TAFA1: variants seen among roughly 807,000 people sequenced by gnomAD.
The protein encoded by TAFA1 is chemokine-like protein TAFA-1.
TAFA1 carries 4 observed loss-of-function variants against 18.5 expected under a neutral mutation model. That is an observed-to-expected ratio of 0.22 (90% CI 0.11 to 0.49). TAFA1 has a LOEUF of 0.49. TAFA1 is among the 20% of genes least tolerant of loss of function. The probability of loss-of-function intolerance (pLI) is 0.98; values close to 1 mark genes in which losing one functional copy is unlikely to be tolerated. For synonymous variants in TAFA1, 56 were observed against 55.2 expected (o/e 1.01, Z -0.06); for missense variants, 147 against 169.0 (o/e 0.87, Z 0.72).
chr3:68,348,943 T>C (rs573361581), intron 2 of TAFA1, among the ~76,000 whole-genome samples: 1 of 152,012 alleles, frequency 6.6e-6, no homozygotes, highest in Admixed American at 6.6e-5. Flanking sequence ...TTTTAAAACA[T>C]GGTTGATACA....
At chr3:68,206,288 G>T (rs1445666436) in intron 2 of TAFA1, among the ~76,000 whole-genome samples, 2 of 151,790 alleles carry the variant, frequency 1.3e-5, no homozygotes, top group Admixed American at 1.3e-4. Context: ...AGAAAAAAAA[G>T]AATATGTAGA....
At chr3:68,350,577 A>T (rs1371781664) in intron 2 of TAFA1, among the ~76,000 whole-genome samples, 1 of 152,134 alleles carries the variant, frequency 6.6e-6, no homozygotes, top group South Asian at 2.1e-4. Context: ...ACACTATAAA[A>T]TTGCAGAATT....
At chr3:68,327,639 C>A (rs946495711) in intron 2 of TAFA1, among the ~76,000 whole-genome samples, 1 of 152,160 alleles carries the variant, frequency 6.6e-6, no homozygotes, top group Non-Finnish European at 1.5e-5. Context: ...TCATATAAAT[C>A]CTTGGCTCAG....
chr3:68,164,550 C>G (rs1453325843), intron 2 of TAFA1, among the ~76,000 whole-genome samples: 1 of 151,894 alleles, frequency 6.6e-6, no homozygotes, highest in African/African-American at 2.4e-5. Context: ...ATTGCATTCT[C>G]CCTCCCATTT....
intron 3 of TAFA1, among the ~76,000 whole-genome samples, chr3:68,438,805 C>T (rs929774295): frequency 6.6e-6 from 1 of 152,108 alleles, no homozygotes; most frequent in Admixed American, 6.6e-5. Context: ...AAGTTTATGG[C>T]TTGCATCTTC....
At chr3:68,503,169 T>A (rs9819753) in intron 3 of TAFA1, among the ~76,000 whole-genome samples, 31,310 of 152,078 alleles carry the variant, frequency 0.21, 3,471 homozygotes, top group Admixed American at 0.25. Context: ...ACAACACACA[T>A]AGATTATTTA....
chr3:68,531,142 T>C (rs1196505014), intron 3 of TAFA1, among the ~76,000 whole-genome samples: 1 of 152,134 alleles, frequency 6.6e-6, no homozygotes, highest in Non-Finnish European at 1.5e-5. Context: ...ACTTAGTCTC[T>C]CCGGGCTTCA....
At chr3:68,537,719 T>C (rs942327068) in intron 3 of TAFA1, among the ~76,000 whole-genome samples, 6 of 152,340 alleles carry the variant, frequency 3.9e-5, no homozygotes, top group African/African-American at 1.4e-4. Context: ...CGTCTCACAC[T>C]ATGTCAAAGA....
At chr3:68,233,243 T>G (rs1339675225) in intron 2 of TAFA1, among the ~76,000 whole-genome samples, 5 of 152,214 alleles carry the variant, frequency 3.3e-5, no homozygotes, top group African/African-American at 4.8e-5. Flanking sequence ...CTTGTATATT[T>G]TGGATATTAG....
intron 3 of TAFA1, among the ~76,000 whole-genome samples, chr3:68,444,215 A>G (rs2071435078): frequency 6.6e-6 from 1 of 152,128 alleles, no homozygotes; most frequent in African/African-American, 2.4e-5. Context: ...TGTAGCCTCA[A>G]ACAGTGAAAT....
chr3:68,272,025 A>G (rs896403722), intron 2 of TAFA1, among the ~76,000 whole-genome samples: 4 of 152,168 alleles, frequency 2.6e-5, no homozygotes, highest in Non-Finnish European at 4.4e-5. Flanking sequence ...TCTTTCCCCG[A>G]TCCTATTGAC....
chr3:68,498,669 T>C (rs1250378809), intron 3 of TAFA1, among the ~76,000 whole-genome samples: 1 of 149,270 alleles, frequency 6.7e-6, no homozygotes, highest in Non-Finnish European at 1.5e-5. Flanking sequence ...AAGTAGAGGA[T>C]TAGAAGAAGG....
intron 2 of TAFA1, among the ~76,000 whole-genome samples, chr3:68,116,203 C>T (rs369408230): frequency 2.1e-4 from 32 of 152,066 alleles, no homozygotes; most frequent in African/African-American, 7.5e-4. Flanking sequence ...TGCAGTGAGC[C>T]GAGATCGCGC....
chr3:68,258,403 A>G (rs1332312475), intron 2 of TAFA1, among the ~76,000 whole-genome samples: 1 of 152,200 alleles, frequency 6.6e-6, no homozygotes, highest in Non-Finnish European at 1.5e-5. Flanking sequence ...GGACTTGAGC[A>G]TGGCATGTTG....
intron 2 of TAFA1, among the ~76,000 whole-genome samples, chr3:68,306,335 G>A (rs113401379): frequency 2.0e-5 from 3 of 152,104 alleles, no homozygotes; most frequent in Admixed American, 6.6e-5. Context: ...GAAATAACAC[G>A]TCTCTCTTTG....
chr3:68,535,264 G>A (rs1344140133), intron 3 of TAFA1, among the ~76,000 whole-genome samples: 1 of 151,520 alleles, frequency 6.6e-6, no homozygotes, highest in African/African-American at 2.4e-5. Context: ...TGTTTTTCTT[G>A]CTTCTCTTAT....
At chr3:68,083,931 A>G (rs2106782063) in intron 2 of TAFA1, among the ~76,000 whole-genome samples, 1 of 152,220 alleles carries the variant, frequency 6.6e-6, no homozygotes, top group Middle Eastern at 3.4e-3. Flanking sequence ...CTTTGCATGC[A>G]TTCAAATTCA....
At chr3:68,226,171 G>C (rs2066797644) in intron 2 of TAFA1, among the ~76,000 whole-genome samples, 1 of 152,184 alleles carries the variant, frequency 6.6e-6, no homozygotes, top group Non-Finnish European at 1.5e-5. Context: ...CTTAGAGCTT[G>C]ATCAGACAAT....
intron 2 of TAFA1, among the ~76,000 whole-genome samples, chr3:68,084,059 T>G (rs919505665): frequency 6.6e-6 from 1 of 152,176 alleles, no homozygotes; most frequent in African/African-American, 2.4e-5. Flanking sequence ...GTATACCACA[T>G]GGGCTCCTGG....
Sources: allele counts gnomAD v4.1 joint callset (sites outside exome capture counted in the v4.1 genomes callset), GRCh38; gene constraint gnomAD v4.1.1; transcripts MANE v1.5; gene names NCBI Gene and HGNC (gene_info 2026-07-23, HGNC 2026-07-21).